WIF1: variants seen among roughly 807,000 people sequenced by gnomAD.
WIF1 encodes the protein Wnt inhibitory factor 1.
Under a neutral mutation model 53.5 loss-of-function variants are expected in WIF1, and 35 were observed. The observed-to-expected ratio is 0.65, with a 90% CI of 0.50 to 0.87. The LOEUF is 0.87. Ranked by LOEUF, WIF1 falls within the 40% of genes least tolerant of loss-of-function variation. The pLI, the probability that WIF1 is intolerant of heterozygous loss-of-function variation, is 0.00. For synonymous variants in WIF1, 171 were observed against 170.4 expected, an observed-to-expected ratio of 1.00 and a Z score of -0.03; for missense variants, 467 against 476.8, an observed-to-expected ratio of 0.98 and a Z score of 0.19.
intron 2 of WIF1, among the ~76,000 whole-genome samples, chr12:65,078,327 C>T (rs138234431): frequency 1.2e-4 from 18 of 152,296 alleles, no homozygotes; most frequent in Middle Eastern, 3.4e-3. Context: ...CATCTGCCTG[C>T]CTTGGCCTCC....
chr12:65,105,018 C>T (rs1016392497), intron 2 of WIF1, among the ~76,000 whole-genome samples: 2 of 151,996 alleles, frequency 1.3e-5, no homozygotes, highest in African/African-American at 4.8e-5. Flanking sequence ...TTTAAAATGC[C>T]TGTGGTCTGA....
intron 2 of WIF1, among the ~76,000 whole-genome samples, chr12:65,085,352 A>G (rs1883020474): frequency 6.6e-6 from 1 of 152,190 alleles, no homozygotes. Flanking sequence ...TTATAGGCTG[A>G]AGGTAGTTGT....
intron 2 of WIF1, among the ~76,000 whole-genome samples, chr12:65,093,706 G>A (rs1409393424): frequency 2.0e-5 from 3 of 152,066 alleles, no homozygotes; most frequent in Non-Finnish European, 4.4e-5. Flanking sequence ...TGAATCAACT[G>A]TCATCTTTTA....
chr12:65,102,350 T>A (rs901330381), intron 2 of WIF1, among the ~76,000 whole-genome samples: 1 of 152,136 alleles, frequency 6.6e-6, no homozygotes. Flanking sequence ...GGAAAGCCCA[T>A]GGTGTAGTTC....
At chr12:65,100,922 G>A (rs895189784) in intron 2 of WIF1, among the ~76,000 whole-genome samples, 2 of 151,890 alleles carry the variant, frequency 1.3e-5, no homozygotes, top group African/African-American at 2.4e-5. Flanking sequence ...CATGTTTACC[G>A]AGTATGTGAT....
intron 3 of WIF1, among the ~76,000 whole-genome samples, chr12:65,075,344 T>A (rs898112946): frequency 6.6e-6 from 1 of 152,202 alleles, no homozygotes; most frequent in African/African-American, 2.4e-5. Context: ...CTTTAGAGAC[T>A]TAAATTAGCT....
At chr12:65,064,438 G>C (rs1356617455) in intron 6 of WIF1, among the ~76,000 whole-genome samples, 1 of 152,178 alleles carries the variant, frequency 6.6e-6, no homozygotes, top group Admixed American at 6.5e-5. Flanking sequence ...TAAAGGTTGT[G>C]ATGTCCCAAG....
intron 2 of WIF1, among the ~76,000 whole-genome samples, chr12:65,096,006 A>G (rs901454537): frequency 6.6e-6 from 1 of 152,224 alleles, no homozygotes; most frequent in African/African-American, 2.4e-5. Context: ...AGAAAAGCCA[A>G]AATTGACAAA....
Position 65,051,128 on chromosome 12 carries a change from T to C in WIF1, c.*221A>G, listed in dbSNP as rs1029934497. On this transcript the variant is annotated 3_prime_UTR_variant, in exon 10 of 10. Transcript: ENST00000286574. ...ATCAATTGACATAATATAAAATCTG[T>C]CCCAAAGCACTGAAACAAGAAAATC... is the stretch of plus-strand genomic sequence containing the variant. 20 of 445,256 alleles carry C rather than the reference T, an allele frequency of 4.5e-5. No individual in the cohort carries two copies. Among genetic ancestry groups the C allele is most frequent in the Middle Eastern group, 6.1e-4 (1 of 1,632 alleles). The allele number at this position is 445,256 out of a possible 1,614,324, so 27.6% of individuals were successfully genotyped here.
intron 2 of WIF1, among the ~76,000 whole-genome samples, chr12:65,101,532 A>G (rs960392589): frequency 6.6e-6 from 1 of 152,240 alleles, no homozygotes; most frequent in Non-Finnish European, 1.5e-5. Context: ...TATTAACATT[A>G]AAATGGCAAA....
intron 2 of WIF1, among the ~76,000 whole-genome samples, chr12:65,103,873 CT>C (rs1334957738): frequency 6.6e-6 from 1 of 152,120 alleles, no homozygotes; most frequent in East Asian, 1.9e-4. Context: ...GGCTTCAAGC[CT>C]GGGTGATTTG....
chr12:65,101,222 T>C (rs1883277475), intron 2 of WIF1, among the ~76,000 whole-genome samples: 1 of 152,220 alleles, frequency 6.6e-6, no homozygotes, highest in South Asian at 2.1e-4. Flanking sequence ...TTGCAAGTTA[T>C]AATTACTACA....
chr12:65,116,832 C>T (rs1883518521), intron 2 of WIF1, among the ~76,000 whole-genome samples: 2 of 146,706 alleles, frequency 1.4e-5, no homozygotes, highest in South Asian at 4.4e-4. Context: ...ACTCAGGAGG[C>T]TGAGGCAGGA....
At position 65,073,928 on chromosome 12, in the gene WIF1, T is replaced by G. The variant is rs534535907; in HGVS notation, c.397+3818A>C. ...TGCAAAGGATGTGTGTGTGTGCGAG[T>G]CTGTGTGCACACATGGGCATATGTG... On this transcript the variant is annotated intron_variant, in intron 3 of 9. Transcript: ENST00000286574. 2.0e-5 allele frequency among the ~76,000 whole-genome samples: 3 copies of G among 152,208 alleles called. No homozygotes were observed. The South Asian group carries it at 6.2e-4, about 32-fold the overall frequency.
At chr12:65,085,529 T>C (rs149569650) in intron 2 of WIF1, among the ~76,000 whole-genome samples, 288 of 152,342 alleles carry the variant, frequency 1.9e-3, no homozygotes, top group African/African-American at 6.8e-3. Flanking sequence ...CCCTGCCTGC[T>C]TTTGAAACTA....
chr12:65,111,503 C>T (rs891558506), intron 2 of WIF1, among the ~76,000 whole-genome samples: 14 of 152,158 alleles, frequency 9.2e-5, no homozygotes, highest in African/African-American at 3.4e-4. Context: ...TTTCTGGTCT[C>T]TATGCCTTGC....
intron 2 of WIF1, among the ~76,000 whole-genome samples, chr12:65,105,019 T>C (rs2136291860): frequency 6.6e-6 from 1 of 152,286 alleles, no homozygotes; most frequent in South Asian, 2.1e-4. Context: ...TTAAAATGCC[T>C]GTGGTCTGAT....
intron 3 of WIF1, among the ~76,000 whole-genome samples, chr12:65,070,259 C>G (rs1882753107): frequency 6.6e-6 from 1 of 151,914 alleles, no homozygotes; most frequent in Admixed American, 6.6e-5. Flanking sequence ...TTCTAGCTCC[C>G]CTGAAACTTG....
chr12:65,055,347 T>C, intron 8 of WIF1, 134 bp from the exon 9 acceptor site: 1 of 903,756 alleles, frequency 1.1e-6, no homozygotes, highest in South Asian at 2.0e-5. Context: ...CCTAAGTCAG[T>C]CTCCAGTCAT....
Sources: allele counts gnomAD v4.1 joint callset (sites outside exome capture counted in the v4.1 genomes callset), GRCh38; gene constraint gnomAD v4.1.1; transcripts MANE v1.5; gene names NCBI Gene and HGNC (gene_info 2026-07-23, HGNC 2026-07-21).